Variants in TTC6 observed in about 807,000 individuals in gnomAD.
The protein encoded by TTC6 is tetratricopeptide repeat protein 6.
TTC6 carries 172 observed loss-of-function variants against 210.4 expected under a neutral mutation model. The observed-to-expected ratio is 0.82, with a 90% CI of 0.72 to 0.93. The LOEUF (loss-of-function observed/expected upper bound fraction) is 0.93. TTC6 is among the 40% of genes least tolerant of loss of function. The pLI is 0.00. For missense variants in TTC6, 2,414 were observed against 2,318.1 expected (o/e 1.04, Z -0.85); for synonymous variants, 804 against 819.6 (o/e 0.98, Z 0.32).
intron 29 of TTC6, among the ~76,000 whole-genome samples, chr14:37,839,579 T>G (rs1367451527): frequency 1.3e-5 from 2 of 152,208 alleles, no homozygotes; most frequent in Non-Finnish European, 2.9e-5. Context: ...TGCAAAAATT[T>G]TCTCCCATTC....
chr14:37,738,980 G>A (rs747135931), exon 10 of TTC6: 16 of 1,535,286 alleles, frequency 1.0e-5, no homozygotes, highest in Admixed American at 5.9e-5. Context: ...TAACATGTGC[G>A]AAAAACACAG....
intron 26 of TTC6, among the ~76,000 whole-genome samples, chr14:37,822,596 T>C (rs2096160562): frequency 6.6e-6 from 1 of 152,212 alleles, no homozygotes; most frequent in African/African-American, 2.4e-5. Context: ...CATAACAACC[T>C]TGAAAAATTA....
intron 14 of TTC6, among the ~76,000 whole-genome samples, chr14:37,755,015 C>T (rs951493157): frequency 1.3e-5 from 2 of 152,312 alleles, no homozygotes; most frequent in East Asian, 1.9e-4. Context: ...CTAATTTACA[C>T]TCCCACCAAC....
At chr14:37,826,100 C>A in intron 27 of TTC6, 95 bp from the exon 30 acceptor site, 2 of 1,283,304 alleles carry the variant, frequency 1.6e-6, no homozygotes, top group Non-Finnish European at 1.1e-6. Flanking sequence ...ATAAATATAC[C>A]CTTACTAAAG....
At chr14:37,735,775 G>C in intron 7 of TTC6, 146 bp from the exon 10 acceptor site, 1 of 545,684 alleles carries the variant, frequency 1.8e-6, no homozygotes, top group East Asian at 3.2e-5. Context: ...TGCATCTCTG[G>C]TAAGTGTTTT....
At chr14:37,840,752 G>T (rs1160021857) in intron 29 of TTC6, among the ~76,000 whole-genome samples, 1 of 151,824 alleles carries the variant, frequency 6.6e-6, no homozygotes, top group Non-Finnish European at 1.5e-5. Flanking sequence ...AAACCAAAGT[G>T]TTACTTTTCT....
chr14:37,760,203 T>C (rs2095979938), intron 14 of TTC6, among the ~76,000 whole-genome samples: 1 of 151,944 alleles, frequency 6.6e-6, no homozygotes, highest in South Asian at 2.1e-4. Context: ...TCCTTTTTGT[T>C]GATGTTGATG....
chr14:37,648,390 T>C (rs760228609), intron 1 of TTC6, among the ~76,000 whole-genome samples: 1 of 152,252 alleles, frequency 6.6e-6, no homozygotes, highest in Non-Finnish European at 1.5e-5. Flanking sequence ...GATCTACTAG[T>C]TAATCTGAAC....
chr14:37,670,856 TGAA>T (rs2095756954), intron 1 of TTC6, among the ~76,000 whole-genome samples: 1 of 152,100 alleles, frequency 6.6e-6, no homozygotes, highest in South Asian at 2.1e-4. Context: ...TAGGTAATAA[TGAA>T]GAAACACATA....
At chr14:37,842,241 G>A (rs377288659) in exon 31 of TTC6, 2 of 1,609,288 alleles carry the variant, frequency 1.2e-6, no homozygotes, top group Middle Eastern at 1.7e-4. Flanking sequence ...GGAAGCTATG[G>A]CTGACTATAA....
At chr14:37,633,922 C>A (rs865843637) in intron 1 of TTC6, among the ~76,000 whole-genome samples, 116 of 152,326 alleles carry the variant, frequency 7.6e-4, no homozygotes, top group African/African-American at 2.6e-3. Context: ...AGACTTCTAC[C>A]TCCAGTTGGT....
At chr14:37,650,394 A>G (rs1442918736) in intron 1 of TTC6, among the ~76,000 whole-genome samples, 1 of 152,192 alleles carries the variant, frequency 6.6e-6, no homozygotes. Context: ...TTTTGCAGTC[A>G]GTATTTCAGT....
At chr14:37,827,915 T>A (rs2096176052) in intron 29 of TTC6, 1 of 152,394 alleles carries the variant, frequency 6.6e-6, no homozygotes, top group Non-Finnish European at 1.5e-5. Flanking sequence ...CCAGTAAACA[T>A]CCTTTTGGAC....
rs1352589326 is a variant in TTC6 at position 37,680,264 on chromosome 14, A to G, written c.1050+3A>G. 1.3e-6 allele frequency: 2 copies of G among 1,500,244 alleles called. No homozygotes were observed. The highest frequency in any genetic ancestry group is 8.9e-7 in the Non-Finnish European group (1 of 1,122,860). The allele number at this position is 1,500,244 out of a possible 1,614,324, so 92.9% of individuals were successfully genotyped here. ...TGGGTGCTGAGGAATCGCAAATGGT[A>G]AAGTCTTTAATAAAAATCCTCCTTG... On this transcript the variant is annotated splice_donor_region_variant and intron_variant, in intron 2 of 30. Transcript: ENST00000553443.
Position 37,803,563 on chromosome 14 carries a change from GT to G in TTC6, c.4030-1113del, listed in dbSNP as rs547190563. Among the ~76,000 whole-genome samples, 444 of 152,252 alleles carry G rather than the reference GT, an allele frequency of 2.9e-3. 1 individual carries two copies. The highest frequency in any genetic ancestry group is 4.5e-3 in the Non-Finnish European group (308 of 68,000). The stretch of plus-strand genomic sequence containing the variant: ...TGGGTTGGAAGGCTTGAGTAGACAA[GT>G]TTTAATGGGCTCAAGGAGTCAGTAA... On this transcript the variant is annotated intron_variant, in intron 20 of 30. Transcript: ENST00000553443.
At position 37,606,312 on chromosome 14, in the gene TTC6, C is replaced by G. The variant is rs778377448; in HGVS notation, c.-234-351C>G. ...CCCCTTTGCCTACTTCTCTTTAGGC[C>G]ACGTTACTTAGTCTTCCTTGCCTTT... On this transcript the variant is annotated intron_variant, in intron 1 of 2. Transcript: ENST00000556845. 2.6e-5 allele frequency among the ~76,000 whole-genome samples: 4 copies of G among 152,218 alleles called. No homozygotes were observed. In the South Asian group the frequency reaches 8.3e-4, roughly 32 times the overall value.
intron 23 of TTC6, among the ~76,000 whole-genome samples, chr14:37,807,710 T>C (rs1191755046): frequency 6.6e-6 from 1 of 152,170 alleles, no homozygotes; most frequent in Non-Finnish European, 1.5e-5. Context: ...CATATATTCA[T>C]TGTAGACAGT....
At chr14:37,705,350 C>G (rs1259713373) in intron 5 of TTC6, among the ~76,000 whole-genome samples, 1 of 151,816 alleles carries the variant, frequency 6.6e-6, no homozygotes, top group Non-Finnish European at 1.5e-5. Context: ...TTACAAAAAA[C>G]AATAAAAATA....
chr14:37,838,874 A>G (rs953429640), intron 29 of TTC6, among the ~76,000 whole-genome samples: 4 of 151,896 alleles, frequency 2.6e-5, no homozygotes, highest in African/African-American at 4.8e-5. Flanking sequence ...TCATTGTTCA[A>G]CGCCCACTTA....
Sources: gnomAD v4.1 joint callset for allele counts (sites outside exome capture counted in the v4.1 genomes callset) on GRCh38, gnomAD v4.1.1 for gene constraint, MANE v1.5 for transcripts, NCBI Gene and HGNC (gene_info 2026-07-23, HGNC 2026-07-21) for gene names.